PTPRG: variants seen among roughly 807,000 people sequenced by gnomAD.
PTPRG encodes the protein protein tyrosine phosphatase receptor type G.
PTPRG carries 102 observed loss-of-function variants against 165.3 expected under a neutral mutation model. That is an observed-to-expected ratio of 0.62 (90% CI 0.53 to 0.73). The LOEUF is 0.73. PTPRG is among the 30% of genes least tolerant of loss of function. The probability of loss-of-function intolerance (pLI) is 0.00; values close to 1 mark genes in which losing one functional copy is unlikely to be tolerated. For synonymous variants in PTPRG, 675 were observed against 669.5 expected (o/e 1.01, Z -0.13); for missense variants, 1,866 against 1,861.4 (o/e 1.00, Z -0.05).
At chr3:61,948,851 C>T (rs2039828298) in intron 2 of PTPRG, among the ~76,000 whole-genome samples, 1 of 152,206 alleles carries the variant, frequency 6.6e-6, no homozygotes, top group Middle Eastern at 3.4e-3. Context: ...TTTGCCTGCC[C>T]TGGAAGAAGC....
intron 6 of PTPRG, among the ~76,000 whole-genome samples, chr3:62,140,315 A>G (rs1361699781): frequency 6.6e-6 from 1 of 152,248 alleles, no homozygotes; most frequent in Admixed American, 6.5e-5. Context: ...AGACTTGTGC[A>G]TATGAGCCTT....
At chr3:61,571,974 A>AT (rs1448486482) in intron 1 of PTPRG, among the ~76,000 whole-genome samples, 3 of 151,978 alleles carry the variant, frequency 2.0e-5, no homozygotes, top group South Asian at 4.2e-4. Context: ...GGCTTCTAAA[A>AT]TTTTTTTCTG....
rs75793366 is a variant in PTPRG at position 61,657,886 on chromosome 3, G to C, written c.86-90992G>C. Among the ~76,000 whole-genome samples the C allele has an allele frequency of 5.1e-3, 784 of 152,268 alleles. 8 individuals are homozygous for C. Among genetic ancestry groups the C allele is most frequent in the African/African-American group, 0.018 (766 of 41,542 alleles). On this transcript the variant is annotated intron_variant, in intron 1 of 29. Transcript: ENST00000474889. ...CAGGCATCAGCGGGGAAGATGCTTT[G>C]TACTTTGCTTGTTAAACAGAGGGCT...
At chr3:61,655,880 G>T (rs1702495763) in intron 1 of PTPRG, among the ~76,000 whole-genome samples, 1 of 152,162 alleles carries the variant, frequency 6.6e-6, no homozygotes, top group Non-Finnish European at 1.5e-5. Flanking sequence ...TTGTGAAACT[G>T]TGTCTGGCCT....
chr3:61,805,507 AC>A (rs2035385877), intron 2 of PTPRG, among the ~76,000 whole-genome samples: 1 of 137,746 alleles, frequency 7.3e-6, no homozygotes, highest in Non-Finnish European at 1.5e-5. Flanking sequence ...TCCCAGGCCT[AC>A]TCTTCCCGAA....
intron 28 of PTPRG, among the ~76,000 whole-genome samples, chr3:62,283,722 G>A (rs1702535369): frequency 6.6e-6 from 1 of 152,070 alleles, no homozygotes. Flanking sequence ...GAAGCTTATT[G>A]TGAAGGCTTT....
intron 1 of PTPRG, among the ~76,000 whole-genome samples, chr3:61,714,259 T>C (rs2031704893): frequency 6.6e-6 from 1 of 152,156 alleles, no homozygotes; most frequent in South Asian, 2.1e-4. Flanking sequence ...TTCTCCATAA[T>C]AGAAGCCCTG....
chr3:61,945,489 G>T (rs923725529), intron 2 of PTPRG, among the ~76,000 whole-genome samples: 4 of 148,526 alleles, frequency 2.7e-5, no homozygotes, highest in African/African-American at 9.9e-5. Context: ...AACCCGGAAG[G>T]TGGCGGTTGC....
chr3:61,783,486 C>G (rs1013080094), intron 2 of PTPRG, among the ~76,000 whole-genome samples: 4 of 152,116 alleles, frequency 2.6e-5, no homozygotes, highest in African/African-American at 9.7e-5. Flanking sequence ...TACAATAATG[C>G]AGAAATGCAT....
At chr3:61,766,481 A>G (rs1353260389) in intron 2 of PTPRG, among the ~76,000 whole-genome samples, 1 of 152,058 alleles carries the variant, frequency 6.6e-6, no homozygotes, top group Non-Finnish European at 1.5e-5. Flanking sequence ...TGATAATCAC[A>G]TTTTCCAGAT....
At chr3:61,675,932 A>C in intron 1 of PTPRG, among the ~76,000 whole-genome samples, 1 of 152,192 alleles carries the variant, frequency 6.6e-6, no homozygotes, top group East Asian at 1.9e-4. Flanking sequence ...GGATCATATT[A>C]ATAATTGAAC....
intron 3 of PTPRG, among the ~76,000 whole-genome samples, chr3:61,999,667 G>A (rs2041124890): frequency 6.6e-6 from 1 of 151,870 alleles, no homozygotes; most frequent in South Asian, 2.1e-4. Flanking sequence ...ATTTCATTTT[G>A]ATTAAATGAA....
intron 2 of PTPRG, among the ~76,000 whole-genome samples, chr3:61,806,041 G>A (rs1223869899): frequency 6.6e-6 from 1 of 152,184 alleles, no homozygotes; most frequent in Non-Finnish European, 1.5e-5. Context: ...AATTTGGTGG[G>A]ATGATTGCTA....
intron 2 of PTPRG, among the ~76,000 whole-genome samples, chr3:61,912,537 C>G (rs1035935387): frequency 6.6e-6 from 1 of 152,074 alleles, no homozygotes; most frequent in Non-Finnish European, 1.5e-5. Context: ...AAAAAAAATC[C>G]TTTGGAATTG....
chr3:62,094,018 C>G (rs181557791), intron 5 of PTPRG, among the ~76,000 whole-genome samples: 1 of 152,312 alleles, frequency 6.6e-6, no homozygotes, highest in Non-Finnish European at 1.5e-5. Context: ...AACTTTGTTT[C>G]TGTGTGCCAG....
chr3:61,890,412 G>GTTTTTTTTTTTTTTTT (rs1388100597), intron 2 of PTPRG, among the ~76,000 whole-genome samples: 10 of 95,420 alleles, frequency 1.0e-4, no homozygotes, highest in African/African-American at 4.1e-4. Context: ...CTTGTTCTTT[G>GTTTTTTTTTTTTTTTT]TTTTTTTTTT....
chr3:62,281,538 C>CTTTTTTTTTTTTTCTTTTTTTTTT lies in PTPRG; in HGVS notation c.3766-12_3766-11insCTTTTTTTTTTTTTTTTTTTTTTT, dbSNP rs60919586. 4.0e-6 allele frequency: 2 copies of CTTTTTTTTTTTTTCTTTTTTTTTT among 497,854 alleles called. 1 individual carries two copies. Among genetic ancestry groups the CTTTTTTTTTTTTTCTTTTTTTTTT allele is most frequent in the African/African-American group, 7.4e-5 (2 of 27,176 alleles). The allele number at this position is 497,854 out of a possible 1,614,324, so 30.8% of individuals were successfully genotyped here. On this transcript the variant is annotated intron_variant, in intron 26 of 29. Transcript: ENST00000474889. ...CAAATCCTTGACAGAACTGCAGAGG[C>CTTTTTTTTTTTTTCTTTTTTTTTT]TTTTTTTTTTTTTGGATTCCAAAGG...
chr3:62,204,218 C>T (rs1700170045), intron 12 of PTPRG, among the ~76,000 whole-genome samples: 3 of 152,030 alleles, frequency 2.0e-5, no homozygotes, highest in Admixed American at 6.6e-5. Flanking sequence ...TTCAACCAGG[C>T]AATGATATAC....
At chr3:61,697,621 G>A (rs1000890759) in intron 1 of PTPRG, among the ~76,000 whole-genome samples, 1 of 152,314 alleles carries the variant, frequency 6.6e-6, no homozygotes, top group African/African-American at 2.4e-5. Context: ...TAACAGTGCA[G>A]TTCTGCTCCT....
Sources: allele counts gnomAD v4.1 joint callset (sites outside exome capture counted in the v4.1 genomes callset), GRCh38; gene constraint gnomAD v4.1.1; transcripts MANE v1.5; gene names NCBI Gene and HGNC (gene_info 2026-07-23, HGNC 2026-07-21).